Variants in KLRG1 observed in about 807,000 individuals in gnomAD.
KLRG1 encodes the protein killer cell lectin-like receptor subfamily G member 1.
In KLRG1, 16 loss-of-function variants were observed where a neutral mutation model predicts 21.8. The ratio of observed to expected loss-of-function variants is 0.73; its 90% CI spans 0.50 to 1.11. The LOEUF is 1.11. Ranked by LOEUF, KLRG1 falls within the 50% of genes most tolerant of loss-of-function variation. The pLI is 0.00. For synonymous variants in KLRG1, 69 were observed against 75.9 expected (o/e 0.91, Z 0.47); for missense variants, 173 against 218.3 (o/e 0.79, Z 1.31).
At chr12:8,993,564 A>C (rs975623566) in intron 2 of KLRG1, among the ~76,000 whole-genome samples, 1 of 152,148 alleles carries the variant, frequency 6.6e-6, no homozygotes, top group African/African-American at 2.4e-5. Context: ...CTGGGATTAC[A>C]GGTGTGAGCC....
At chr12:9,171,971 A>G in the KLRG1 span, among the ~76,000 whole-genome samples, 1 of 152,220 alleles carries the variant, frequency 6.6e-6, no homozygotes, top group Non-Finnish European at 1.5e-5. Context: ...GCCAACATTC[A>G]AATTCAGGAA....
At chr12:9,129,331 A>G in the KLRG1 span, among the ~76,000 whole-genome samples, 3 of 152,152 alleles carry the variant, frequency 2.0e-5, no homozygotes, top group South Asian at 6.2e-4. Flanking sequence ...GTACAAATAA[A>G]TGGTCATTAC....
the KLRG1 span, among the ~76,000 whole-genome samples, chr12:9,144,980 C>T: frequency 1.3e-5 from 2 of 152,310 alleles, no homozygotes; most frequent in Admixed American, 1.3e-4. Flanking sequence ...TGATGATACT[C>T]CTGCCCTGTC....
chr12:9,209,260 A>G, the KLRG1 span, among the ~76,000 whole-genome samples: 3 of 152,110 alleles, frequency 2.0e-5, no homozygotes, highest in South Asian at 2.1e-4. Flanking sequence ...TTTTAAATCA[A>G]CTTTCTTTCT....
chr12:9,068,617 T>A, the KLRG1 span: 1 of 809,104 alleles, frequency 1.2e-6, no homozygotes, highest in South Asian at 1.6e-5. Flanking sequence ...TCAGACTTGA[T>A]GGAGACAAAA....
the KLRG1 span, among the ~76,000 whole-genome samples, chr12:9,094,475 A>T: frequency 0.022 from 3,308 of 151,354 alleles, 123 homozygotes; most frequent in African/African-American, 0.075. Context: ...AGTGAATTCC[A>T]TAGAGCCAAC....
At chr12:9,196,547 C>A in the KLRG1 span, 1 of 1,579,286 alleles carries the variant, frequency 6.3e-7, no homozygotes, top group Non-Finnish European at 8.7e-7. Flanking sequence ...TGTTTTATTT[C>A]CCATATTCGT....
At chr12:9,149,651 G>T in the KLRG1 span, 1 of 1,580,332 alleles carries the variant, frequency 6.3e-7, no homozygotes, top group Non-Finnish European at 8.7e-7. Context: ...CTATGAACTA[G>T]GGACCATGCT....
At chr12:9,120,586 C>T in the KLRG1 span, among the ~76,000 whole-genome samples, 10 of 152,108 alleles carry the variant, frequency 6.6e-5, no homozygotes, top group South Asian at 4.1e-4. Flanking sequence ...GTACAGTTAG[C>T]GCACATTGTC....
the KLRG1 span, chr12:9,169,980 C>T: frequency 6.5e-6 from 1 of 154,922 alleles, no homozygotes; most frequent in African/African-American, 2.4e-5. Context: ...TATGTCTACT[C>T]AGGCTTATTC....
the KLRG1 span, among the ~76,000 whole-genome samples, chr12:9,139,837 G>A: frequency 3.0e-5 from 4 of 134,024 alleles, no homozygotes; most frequent in Non-Finnish European, 5.3e-5. Context: ...AACCTGAGAG[G>A]GGATTCTGAC....
At chr12:8,987,596 C>T (rs112524538), upstream of KLRG1, 71 of 152,176 alleles carry the variant, frequency 4.7e-4, no homozygotes, top group African/African-American at 1.7e-3. Flanking sequence ...TGTTGTGTAC[C>T]GTATCTCCAG....
the KLRG1 span, chr12:9,072,222 T>C: frequency 1.0e-6 from 1 of 1,004,216 alleles, no homozygotes; most frequent in Non-Finnish European, 1.5e-6. Flanking sequence ...AGAAATTATA[T>C]CAACTTAAGA....
chr12:9,089,956 A>G, the KLRG1 span: 18 of 1,612,566 alleles, frequency 1.1e-5, no homozygotes, highest in Admixed American at 1.7e-5. Flanking sequence ...CAGGAACTGA[A>G]GGCACCTCAG....
the KLRG1 span, among the ~76,000 whole-genome samples, chr12:9,123,812 T>G: frequency 6.6e-6 from 1 of 151,898 alleles, no homozygotes; most frequent in Non-Finnish European, 1.5e-5. Flanking sequence ...CCTTAAACTT[T>G]ATAGTAATTT....
the KLRG1 span, chr12:9,150,776 C>T: frequency 2.2e-6 from 3 of 1,377,092 alleles, no homozygotes; most frequent in East Asian, 2.3e-5. Flanking sequence ...TAATCAAGAA[C>T]CTAGAAAACC....
the KLRG1 span, chr12:9,160,577 G>T: frequency 7.9e-6 from 7 of 884,776 alleles, no homozygotes; most frequent in Non-Finnish European, 1.2e-5. Context: ...TATATTCAGA[G>T]TCTATCATTT....
At chr12:9,152,873 A>C in the KLRG1 span, 1 of 1,614,100 alleles carries the variant, frequency 6.2e-7, no homozygotes, top group Non-Finnish European at 8.5e-7. Context: ...TGTCCATCGC[A>C]AGTTTGGGGC....
the KLRG1 span, chr12:9,072,784 A>G: frequency 1.2e-6 from 2 of 1,614,148 alleles, no homozygotes; most frequent in African/African-American, 1.3e-5. Flanking sequence ...GTCCCTGAAG[A>G]CTGGATAGTC....
Sources: gnomAD v4.1 joint callset for allele counts (sites outside exome capture counted in the v4.1 genomes callset) on GRCh38, gnomAD v4.1.1 for gene constraint, MANE v1.5 for transcripts, NCBI Gene and HGNC (gene_info 2026-07-23, HGNC 2026-07-21) for gene names.